Variants in SNTB1 observed in about 807,000 individuals in gnomAD.
SNTB1 encodes syntrophin beta 1.
SNTB1 carries 36 observed loss-of-function variants against 48.9 expected under a neutral mutation model. That is an observed-to-expected ratio of 0.74 (90% CI 0.56 to 0.97). The LOEUF (loss-of-function observed/expected upper bound fraction) is 0.97, where lower values mean the gene tolerates loss of function less well. Ranked by LOEUF, SNTB1 falls within the 50% of genes least tolerant of loss-of-function variation. SNTB1 has a pLI of 0.00. For missense variants in SNTB1, 786 were observed against 703.4 expected, an observed-to-expected ratio of 1.12 and a Z score of -1.33; for synonymous variants, 299 against 294.6, an observed-to-expected ratio of 1.01 and a Z score of -0.15.
chr8:120,757,823 G>A (rs1819343284), intron 1 of SNTB1, among the ~76,000 whole-genome samples: 1 of 152,116 alleles, frequency 6.6e-6, no homozygotes, highest in Admixed American at 6.6e-5. Flanking sequence ...GAAACAGAAA[G>A]AAGACATCCC....
At chr8:120,803,463 C>T (rs1244230592) in intron 1 of SNTB1, among the ~76,000 whole-genome samples, 1 of 152,118 alleles carries the variant, frequency 6.6e-6, no homozygotes, top group African/African-American at 2.4e-5. Flanking sequence ...GGTATAAATG[C>T]AGGGGAACTT....
intron 3 of SNTB1, among the ~76,000 whole-genome samples, chr8:120,593,429 A>C (rs1488162235): frequency 6.6e-6 from 1 of 152,198 alleles, no homozygotes; most frequent in Non-Finnish European, 1.5e-5. Flanking sequence ...TCAAATACTA[A>C]TTGAGTATAT....
At chr8:120,541,728 C>T (rs918072965) in intron 6 of SNTB1, 82 bp downstream of exon 6, 6 of 1,019,238 alleles carry the variant, frequency 5.9e-6, no homozygotes, top group East Asian at 2.6e-5. Context: ...AGTCAAATGC[C>T]GAATAAGAGT....
chr8:120,776,054 G>T (rs1165472731), intron 1 of SNTB1, among the ~76,000 whole-genome samples: 1 of 152,186 alleles, frequency 6.6e-6, no homozygotes, highest in Admixed American at 6.5e-5. Context: ...TCTAGAACTA[G>T]AAATTCCATT....
intron 1 of SNTB1, among the ~76,000 whole-genome samples, chr8:120,727,821 C>T (rs1818785726): frequency 6.6e-6 from 1 of 152,132 alleles, no homozygotes; most frequent in Non-Finnish European, 1.5e-5. Context: ...GAGTTTGACT[C>T]CAAGCCCTAT....
In SNTB1 at chr8:120,538,554, C is replaced by A; in HGVS notation, c.*323G>T. 2.3e-6 allele frequency: 1 copy of A among 436,646 alleles called. No individual in the cohort carries two copies. Among genetic ancestry groups the A allele is most frequent in the South Asian group, 1.7e-5 (1 of 58,592 alleles). The allele number at this position is 436,646 out of a possible 1,614,324, so 27.0% of individuals were successfully genotyped here. On this transcript the variant is annotated 3_prime_UTR_variant, in exon 7 of 7. Transcript: ENST00000517992. ...GCCTAGGAACTGGGATGATTAAGAT[C>A]TGCACATGCTGTTCTAATGGTCATG...
At chr8:120,555,657 A>G (rs1261656675) in intron 4 of SNTB1, among the ~76,000 whole-genome samples, 2 of 152,182 alleles carry the variant, frequency 1.3e-5, no homozygotes, top group East Asian at 3.8e-4. Context: ...GCTTTTCATT[A>G]AAAAGAACAG....
intron 4 of SNTB1, among the ~76,000 whole-genome samples, chr8:120,564,227 C>A (rs1246500321): frequency 6.6e-6 from 1 of 152,052 alleles, no homozygotes; most frequent in African/African-American, 2.4e-5. Flanking sequence ...GAGATAGGGC[C>A]TAAGATGAGC....
At chr8:120,584,333 T>C (rs1433810954) in intron 3 of SNTB1, among the ~76,000 whole-genome samples, 5 of 147,192 alleles carry the variant, frequency 3.4e-5, no homozygotes, top group African/African-American at 1.2e-4. Flanking sequence ...TCCCAACTAC[T>C]TGGGAGGCTG....
At chr8:120,611,460 T>C (rs936535006) in intron 3 of SNTB1, among the ~76,000 whole-genome samples, 3 of 151,846 alleles carry the variant, frequency 2.0e-5, no homozygotes, top group African/African-American at 4.8e-5. Flanking sequence ...GTGAAGAAAA[T>C]TAAGTTGGAG....
intron 2 of SNTB1, among the ~76,000 whole-genome samples, chr8:120,677,904 G>C (rs899349318): frequency 6.6e-6 from 1 of 152,154 alleles, no homozygotes; most frequent in African/African-American, 2.4e-5. Context: ...TGGAGTGCTT[G>C]AGAAAATAGC....
At chr8:120,797,517 A>T (rs1820138802) in intron 1 of SNTB1, among the ~76,000 whole-genome samples, 1 of 151,078 alleles carries the variant, frequency 6.6e-6, no homozygotes, top group Non-Finnish European at 1.5e-5. Context: ...ACAGCCAGTA[A>T]ATATCATTAA....
At chr8:120,784,237 G>A (rs557788392) in intron 1 of SNTB1, among the ~76,000 whole-genome samples, 9 of 152,026 alleles carry the variant, frequency 5.9e-5, no homozygotes, top group Non-Finnish European at 1.0e-4. Context: ...CAAATGATCC[G>A]CCTGCCTCGG....
intron 4 of SNTB1, among the ~76,000 whole-genome samples, chr8:120,552,416 T>C (rs556456627): frequency 6.6e-6 from 1 of 152,240 alleles, no homozygotes; most frequent in East Asian, 1.9e-4. Flanking sequence ...TGGAGTGCAG[T>C]GGTGTGATCT....
At chr8:120,728,089 G>A (rs1401077397) in intron 1 of SNTB1, among the ~76,000 whole-genome samples, 1 of 151,950 alleles carries the variant, frequency 6.6e-6, no homozygotes, top group African/African-American at 2.4e-5. Flanking sequence ...GCAGTGGCAC[G>A]ATCTTGGCTC....
chr8:120,710,878 A>G (rs533471799), intron 1 of SNTB1, among the ~76,000 whole-genome samples: 10 of 152,224 alleles, frequency 6.6e-5, no homozygotes, highest in Non-Finnish European at 1.5e-4. Context: ...GACTAAAACA[A>G]TAAAAAATAT....
At chr8:120,628,657 TGAGG>T (rs1374475224) in intron 3 of SNTB1, among the ~76,000 whole-genome samples, 2 of 151,994 alleles carry the variant, frequency 1.3e-5, no homozygotes. Context: ...CTTGGGAGGC[TGAGG>T]TAGGAGAATT....
At chr8:120,613,047 G>A (rs1816650658) in intron 3 of SNTB1, among the ~76,000 whole-genome samples, 5 of 152,214 alleles carry the variant, frequency 3.3e-5, no homozygotes, top group African/African-American at 1.2e-4. Context: ...CTCTTATGTG[G>A]GAACTAAAAA....
At chr8:120,560,798 G>T (rs1430987640) in intron 4 of SNTB1, among the ~76,000 whole-genome samples, 1 of 152,186 alleles carries the variant, frequency 6.6e-6, no homozygotes, top group East Asian at 1.9e-4. Flanking sequence ...GTGAAAGGTT[G>T]TGTGGATGCA....
Sources: allele counts gnomAD v4.1 joint callset (sites outside exome capture counted in the v4.1 genomes callset), GRCh38; gene constraint gnomAD v4.1.1; transcripts MANE v1.5; gene names NCBI Gene and HGNC (gene_info 2026-07-23, HGNC 2026-07-21).